The following SLC25A26 variants were observed in gnomAD, a reference collection of about 807,000 sequenced individuals.
The protein encoded by SLC25A26 is solute carrier family 25 member 26.
In SLC25A26, 36 loss-of-function variants were observed where a neutral mutation model predicts 37.8. The ratio of observed to expected loss-of-function variants is 0.95; its 90% CI spans 0.73 to 1.26. The LOEUF (loss-of-function observed/expected upper bound fraction) is 1.26. SLC25A26 is among the 50% of genes most tolerant of loss of function. SLC25A26 has a pLI of 0.00. For synonymous variants in SLC25A26, 129 were observed against 122.5 expected, an observed-to-expected ratio of 1.05 and a Z score of -0.35; for missense variants, 390 against 331.1, an observed-to-expected ratio of 1.18 and a Z score of -1.38.
intron 1 of SLC25A26, among the ~76,000 whole-genome samples, chr3:66,139,310 A>AT (rs1393864452): frequency 6.6e-6 from 1 of 152,044 alleles, no homozygotes; most frequent in African/African-American, 2.4e-5. Context: ...TTATTTCTCC[A>AT]TTTTTGCTTA....
chr3:66,358,103 G>A (rs75433520), intron 6 of SLC25A26, among the ~76,000 whole-genome samples: 1,599 of 152,302 alleles, frequency 0.01, 37 homozygotes, highest in African/African-American at 0.036. Flanking sequence ...CTAAAATTAT[G>A]TGAATGTCAT....
rs1380935062 is a variant in SLC25A26 at position 66,206,937 on chromosome 3, G to A, written c.-353-13805G>A. The stretch of plus-strand genomic sequence containing the variant: ...TTTTAACACGGAGTTTTGCCATGTT[G>A]CCTGGCGGGGGAGGTGCTGGTCTTG... On this transcript the variant is annotated intron_variant, in intron 1 of 10. Transcript: ENST00000676754. 5.3e-4 allele frequency among the ~76,000 whole-genome samples: 71 copies of A among 134,310 alleles called. 1 individual carries two copies. The highest frequency in any genetic ancestry group is 3.9e-3 in the Middle Eastern group (1 of 258). 88.1% of individuals were successfully genotyped at this position (134,310 alleles called of 152,430 possible).
chr3:66,221,054 G>T lies in SLC25A26; in HGVS notation c.-41G>T. On this transcript the variant is annotated 5_prime_UTR_variant, in exon 1 of 10. Transcript: ENST00000354883. ...GCGCGCGAGGACGTGATCCGCTTCT[G>T]CTCCGGCTTGGATTGTAGCCTTGAC... 1 of 1,535,652 alleles carries T rather than the reference G, an allele frequency of 6.5e-7. No homozygotes were observed. The highest frequency in any genetic ancestry group is 8.7e-7 in the Non-Finnish European group (1 of 1,145,974).
At chr3:66,273,344 T>C (rs947667425) in intron 5 of SLC25A26, among the ~76,000 whole-genome samples, 206 of 152,156 alleles carry the variant, frequency 1.4e-3, no homozygotes, top group Non-Finnish European at 2.4e-3. Context: ...TTCTATTGAT[T>C]GGAATAGTTT....
intron 1 of SLC25A26, among the ~76,000 whole-genome samples, chr3:66,184,395 G>A (rs2070774792): frequency 6.6e-6 from 1 of 151,532 alleles, no homozygotes; most frequent in Admixed American, 6.6e-5. Flanking sequence ...CTATCATACT[G>A]GTCTTAAATT....
chr3:66,309,833 T>C (rs2075327256), intron 5 of SLC25A26, among the ~76,000 whole-genome samples: 1 of 151,436 alleles, frequency 6.6e-6, no homozygotes, highest in Non-Finnish European at 1.5e-5. Context: ...TAATCCTGAG[T>C]TCTAATTTGA....
At chr3:66,166,389 T>C (rs754798968) in intron 1 of SLC25A26, among the ~76,000 whole-genome samples, 2 of 152,222 alleles carry the variant, frequency 1.3e-5, no homozygotes, top group South Asian at 4.1e-4. Flanking sequence ...CTCTCCTTGC[T>C]GCATTTCTTT....
intron 6 of SLC25A26, among the ~76,000 whole-genome samples, chr3:66,350,822 A>T (rs1376744002): frequency 6.6e-6 from 1 of 151,714 alleles, no homozygotes; most frequent in Admixed American, 6.6e-5. Flanking sequence ...CTGTTCTCTG[A>T]CTCCTTTCTG....
intron 5 of SLC25A26, among the ~76,000 whole-genome samples, chr3:66,264,423 T>C (rs1373486585): frequency 6.6e-6 from 1 of 152,162 alleles, no homozygotes; most frequent in African/African-American, 2.4e-5. Context: ...GTCCGTGGCC[T>C]GGTACTAGTC....
At chr3:66,248,019 G>C (rs982164515) in intron 3 of SLC25A26, among the ~76,000 whole-genome samples, 4 of 152,178 alleles carry the variant, frequency 2.6e-5, no homozygotes, top group African/African-American at 9.7e-5. Context: ...TCATTATTCT[G>C]TAACACATTT....
chr3:66,286,407 A>T (rs981532259), intron 5 of SLC25A26, among the ~76,000 whole-genome samples: 1 of 152,096 alleles, frequency 6.6e-6, no homozygotes, highest in Non-Finnish European at 1.5e-5. Context: ...TGTTTTTTGC[A>T]TATATAGATG....
intron 1 of SLC25A26, among the ~76,000 whole-genome samples, chr3:66,207,201 A>G (rs1195280639): frequency 6.6e-6 from 1 of 152,112 alleles, no homozygotes; most frequent in African/African-American, 2.4e-5. Flanking sequence ...CGCCTCACCT[A>G]CGTAAGTCAT....
chr3:66,259,554 C>T (rs1226243101), intron 3 of SLC25A26, among the ~76,000 whole-genome samples: 4 of 152,170 alleles, frequency 2.6e-5, no homozygotes, highest in Non-Finnish European at 4.4e-5. Flanking sequence ...TGTCTCCCTA[C>T]TTCTTCACTC....
chr3:66,365,595 C>T (rs758577321), intron 7 of SLC25A26, among the ~76,000 whole-genome samples: 1 of 152,110 alleles, frequency 6.6e-6, no homozygotes, highest in Non-Finnish European at 1.5e-5. Flanking sequence ...TCTGTACATT[C>T]TCTAGGAGAG....
intron 3 of SLC25A26, among the ~76,000 whole-genome samples, chr3:66,257,547 A>G (rs1328135589): frequency 6.6e-6 from 1 of 152,072 alleles, no homozygotes; most frequent in East Asian, 1.9e-4. Flanking sequence ...GGCCTGGTAA[A>G]GGGAGGTAGT....
At position 66,325,187 on chromosome 3, in the gene SLC25A26, C is replaced by T. The variant is rs544096139; in HGVS notation, c.454-21177C>T. ...TCATGCAGCTTCAGTTTATGGGAGACGTAAGGCATATATTCAGTGAAAAAT... is the reference window on the plus strand; with the variant it reads ...TCATGCAGCTTCAGTTTATGGGAGATGTAAGGCATATATTCAGTGAAAAAT... On this transcript the variant is annotated intron_variant, in intron 5 of 9. Coordinates refer to ENST00000354883, the MANE Select transcript of SLC25A26 (RefSeq NM_001379210.1). Among the ~76,000 whole-genome samples the T allele has an allele frequency of 2.3e-3, 345 of 151,912 alleles. 6 individuals carry two copies. Among genetic ancestry groups the T allele is most frequent in the Non-Finnish European group, 3.7e-3 (251 of 67,966 alleles).
intron 1 of SLC25A26, among the ~76,000 whole-genome samples, chr3:66,142,602 A>G (rs1216493406): frequency 1.3e-5 from 2 of 152,304 alleles, no homozygotes; most frequent in Admixed American, 1.3e-4. Flanking sequence ...CTAGTTGATT[A>G]CTATCAGTTT....
At chr3:66,174,343 C>T (rs1174586382) in intron 1 of SLC25A26, among the ~76,000 whole-genome samples, 1 of 152,146 alleles carries the variant, frequency 6.6e-6, no homozygotes, top group Non-Finnish European at 1.5e-5. Context: ...TGCACATTTC[C>T]ATTTTGCACC....
chr3:66,150,615 T>G (rs1472090911), intron 1 of SLC25A26, among the ~76,000 whole-genome samples: 9 of 38,688 alleles, frequency 2.3e-4, no homozygotes, highest in East Asian at 1.0e-3. Context: ...TATATATATA[T>G]ATATATATAT....
Sources: allele counts gnomAD v4.1 joint callset (sites outside exome capture counted in the v4.1 genomes callset), GRCh38; gene constraint gnomAD v4.1.1; transcripts MANE v1.5; gene names NCBI Gene and HGNC (gene_info 2026-07-23, HGNC 2026-07-21).